Variants in CC2D2B observed in about 807,000 individuals in gnomAD.
CC2D2B encodes the protein coiled-coil and C2 domain containing 2B.
CC2D2B carries 128 observed loss-of-function variants against 161.2 expected under a neutral mutation model. That is an observed-to-expected ratio of 0.79 (90% CI 0.69 to 0.92). The LOEUF is 0.92. Among genes scored for constraint, CC2D2B ranks in the 40% least tolerant of loss-of-function variants. The pLI, the probability that CC2D2B is intolerant of heterozygous loss-of-function variation, is 0.00. For missense variants in CC2D2B, 1,173 were observed against 1,375.1 expected, an observed-to-expected ratio of 0.85 and a Z score of 2.32; for synonymous variants, 391 against 449.8, an observed-to-expected ratio of 0.87 and a Z score of 1.65.
intron 24 of CC2D2B, among the ~76,000 whole-genome samples, chr10:95,997,956 A>G (rs2141730731): frequency 6.6e-6 from 1 of 152,338 alleles, no homozygotes; most frequent in East Asian, 1.9e-4. Flanking sequence ...CAGTATATAC[A>G]ATTTCCTTTT....
At chr10:95,916,365 T>C (rs1481677453) in intron 2 of CC2D2B, among the ~76,000 whole-genome samples, 1 of 152,094 alleles carries the variant, frequency 6.6e-6, no homozygotes, top group African/African-American at 2.4e-5. Context: ...TTTGTTTCAT[T>C]GGTGTTTTGT....
rs964817472 is a variant in CC2D2B at position 95,924,693 on chromosome 10, G to C, written c.175-86G>C. On this transcript the variant is annotated intron_variant, in intron 4 of 34. Transcript: ENST00000646931. Reference sequence around the variant, plus strand: ...CTTTTTAAAAGAAAAACATTGCAAAGTATTGATATTTATAAATTTTGGACA... The same window carrying C: ...CTTTTTAAAAGAAAAACATTGCAAACTATTGATATTTATAAATTTTGGACA... The C allele has an allele frequency of 8.3e-6, 7 of 846,464 alleles. No individual in the cohort carries two copies. In the East Asian group the frequency reaches 1.3e-4, roughly 16 times the overall value. 52.4% of individuals were successfully genotyped at this position (846,464 alleles called of 1,614,324 possible).
intron 9 of CC2D2B, among the ~76,000 whole-genome samples, chr10:95,946,032 G>A (rs182809119): frequency 4.3e-4 from 65 of 152,068 alleles, no homozygotes; most frequent in East Asian, 2.5e-3. Context: ...AGACCTGCCC[G>A]CCCAGCCTCC....
chr10:96,009,605 A>G (rs912962754), intron 25 of CC2D2B, among the ~76,000 whole-genome samples: 5 of 150,216 alleles, frequency 3.3e-5, no homozygotes, highest in African/African-American at 7.6e-5. Flanking sequence ...TACACAAGTC[A>G]TAAACTCCAC....
At chr10:95,913,613 C>T (rs2098510580) in intron 2 of CC2D2B, among the ~76,000 whole-genome samples, 1 of 152,034 alleles carries the variant, frequency 6.6e-6, no homozygotes, top group Non-Finnish European at 1.5e-5. Flanking sequence ...TTTCTCAATG[C>T]TTTTGCCAGC....
intron 3 of CC2D2B, among the ~76,000 whole-genome samples, chr10:95,923,723 T>A (rs1017728618): frequency 1.3e-5 from 2 of 151,976 alleles, no homozygotes; most frequent in Non-Finnish European, 2.9e-5. Flanking sequence ...ATTAAAAATT[T>A]AAAAAAGAGG....
At chr10:95,973,980 CAT>C in intron 16 of CC2D2B, 27 bp from the exon 17 acceptor site, 1 of 1,201,214 alleles carries the variant, frequency 8.3e-7, no homozygotes, top group Non-Finnish European at 1.0e-6. Context: ...TAAAACAATT[CAT>C]ATGTTTTTAA....
At chr10:95,930,061 T>C (rs2098547174) in intron 6 of CC2D2B, among the ~76,000 whole-genome samples, 1 of 152,182 alleles carries the variant, frequency 6.6e-6, no homozygotes, top group Non-Finnish European at 1.5e-5. Flanking sequence ...TGTGTCCTCT[T>C]TTATTTAATT....
chr10:96,010,495 T>C (rs943914862), intron 26 of CC2D2B, among the ~76,000 whole-genome samples: 1 of 152,180 alleles, frequency 6.6e-6, no homozygotes, highest in Non-Finnish European at 1.5e-5. Context: ...GAAATGAATT[T>C]TCTACCTCAA....
intron 9 of CC2D2B, among the ~76,000 whole-genome samples, chr10:95,942,396 T>C (rs1335416862): frequency 6.6e-6 from 1 of 152,188 alleles, no homozygotes; most frequent in Non-Finnish European, 1.5e-5. Context: ...AATTCTTTTT[T>C]CTCTCTGAAT....
At chr10:95,910,449 G>A (rs2098504223) in intron 1 of CC2D2B, among the ~76,000 whole-genome samples, 1 of 152,124 alleles carries the variant, frequency 6.6e-6, no homozygotes, top group South Asian at 2.1e-4. Flanking sequence ...GGCAAGAGAG[G>A]AAATAAAGGA....
intron 11 of CC2D2B, 81 bp downstream of exon 11, chr10:95,955,572 TAAAGA>T (rs1373723855): frequency 5.1e-6 from 2 of 395,630 alleles, no homozygotes; most frequent in African/African-American, 2.1e-5. Flanking sequence ...CTATGGAAGA[TAAAGA>T]AAAGTACACA....
intron 12 of CC2D2B, among the ~76,000 whole-genome samples, chr10:95,964,474 C>T (rs2076872741): frequency 6.6e-6 from 1 of 152,088 alleles, no homozygotes; most frequent in Admixed American, 6.6e-5. Flanking sequence ...TAAAGAACAG[C>T]AAGTTTACTG....
chr10:95,949,657 T>TAAA (rs199910981), intron 9 of CC2D2B, among the ~76,000 whole-genome samples: 14 of 99,154 alleles, frequency 1.4e-4, no homozygotes, highest in African/African-American at 3.7e-4. Context: ...TAGAGTATAA[T>TAAA]AAAAAAAAAA....
intron 23 of CC2D2B, 77 bp downstream of exon 23, chr10:95,995,442 C>T (rs965932879): frequency 5.7e-6 from 4 of 707,730 alleles, no homozygotes; most frequent in Non-Finnish European, 8.7e-6. Context: ...TAATTCATCT[C>T]TCCATCTATA....
intron 28 of CC2D2B, 36 bp from the exon 29 acceptor site, chr10:96,013,752 A>G (rs774460048): frequency 1.6e-6 from 2 of 1,290,142 alleles, no homozygotes; most frequent in Non-Finnish European, 2.2e-6. Flanking sequence ...TGATGGACAT[A>G]CAGCACACAC....
At chr10:95,970,794 A>C (rs1044870562) in intron 15 of CC2D2B, among the ~76,000 whole-genome samples, 3 of 152,252 alleles carry the variant, frequency 2.0e-5, no homozygotes. Context: ...AAGTTATTTC[A>C]CAGAGCTACA....
chr10:96,025,053 A>G (rs536643075), intron 33 of CC2D2B, 142 bp downstream of exon 33: 2 of 398,194 alleles, frequency 5.0e-6, no homozygotes, highest in East Asian at 1.0e-4. Flanking sequence ...TCACACCTAT[A>G]ATCGCAGTTC....
chr10:96,013,493 T>TTAAA (rs35874696), intron 28 of CC2D2B, among the ~76,000 whole-genome samples: 91,634 of 149,566 alleles, frequency 0.61, 28,271 homozygotes, highest in East Asian at 0.83. Flanking sequence ...TAGTAATAAA[T>TTAAA]TAAATAATTA....
Sources: allele counts gnomAD v4.1 joint callset (sites outside exome capture counted in the v4.1 genomes callset), GRCh38; gene constraint gnomAD v4.1.1; transcripts MANE v1.5; gene names NCBI Gene and HGNC (gene_info 2026-07-23, HGNC 2026-07-21).